The following FAM83B variants were observed in gnomAD, a reference collection of about 807,000 sequenced individuals.
FAM83B encodes the protein scaffolding CK1 anchoring protein B.
FAM83B carries 26 observed loss-of-function variants against 38.8 expected under a neutral mutation model. The observed-to-expected ratio is 0.67, with a 90% CI of 0.49 to 0.93. The LOEUF (loss-of-function observed/expected upper bound fraction) is 0.93. Among genes scored for constraint, FAM83B ranks in the 40% least tolerant of loss-of-function variants. The probability of loss-of-function intolerance (pLI) is 0.00; values close to 1 mark genes in which losing one functional copy is unlikely to be tolerated. For missense variants in FAM83B, 1,237 were observed against 1,197.3 expected (o/e 1.03, Z -0.49); for synonymous variants, 419 against 423.1 (o/e 0.99, Z 0.12).
At chr6:54,917,105 A>G (rs1773061336) in intron 2 of FAM83B, among the ~76,000 whole-genome samples, 1 of 152,174 alleles carries the variant, frequency 6.6e-6, no homozygotes, top group South Asian at 2.1e-4. Flanking sequence ...TGTACATTTT[A>G]TGGCAGATGT....
chr6:54,935,798 A>G (rs1329617307), intron 4 of FAM83B, among the ~76,000 whole-genome samples: 1 of 152,100 alleles, frequency 6.6e-6, no homozygotes, highest in Non-Finnish European at 1.5e-5. Flanking sequence ...ATTTGTGAGA[A>G]GTTTTGCAAG....
chr6:54,927,105 A>C (rs1354532007), intron 3 of FAM83B, among the ~76,000 whole-genome samples: 1 of 152,014 alleles, frequency 6.6e-6, no homozygotes. Context: ...CAGCTTTGAA[A>C]CCAGTGACTC....
intron 2 of FAM83B, among the ~76,000 whole-genome samples, chr6:54,919,012 A>G (rs1246291168): frequency 1.3e-5 from 2 of 152,130 alleles, no homozygotes; most frequent in African/African-American, 4.8e-5. Flanking sequence ...TGACCCTCCA[A>G]CATCTTGGCT....
intron 1 of FAM83B, among the ~76,000 whole-genome samples, chr6:54,865,976 A>C (rs550611047): frequency 1.8e-4 from 21 of 113,930 alleles, no homozygotes; most frequent in South Asian, 5.8e-4. Flanking sequence ...TCATAATAAT[A>C]ATAATAATAA....
intron 4 of FAM83B, among the ~76,000 whole-genome samples, chr6:54,938,383 A>G (rs953525219): frequency 1.3e-5 from 2 of 152,182 alleles, no homozygotes; most frequent in Non-Finnish European, 1.5e-5. Context: ...GTAGATACCC[A>G]ATAGTGGGAT....
intron 2 of FAM83B, among the ~76,000 whole-genome samples, chr6:54,905,857 T>A (rs943283681): frequency 6.6e-6 from 1 of 152,032 alleles, no homozygotes; most frequent in African/African-American, 2.4e-5. Flanking sequence ...AATTCTCCAT[T>A]TCTGTTTTTC....
chr6:54,905,743 T>A (rs1263427910), intron 2 of FAM83B, among the ~76,000 whole-genome samples: 2 of 152,138 alleles, frequency 1.3e-5, no homozygotes, highest in African/African-American at 4.8e-5. Context: ...ATAGAGACAT[T>A]TAAGAAAGTT....
intron 2 of FAM83B, among the ~76,000 whole-genome samples, chr6:54,917,603 T>C (rs1358701410): frequency 6.6e-6 from 1 of 152,128 alleles, no homozygotes; most frequent in Admixed American, 6.5e-5. Flanking sequence ...TGGTCAGAAT[T>C]TTGAGGAGCT....
intron 4 of FAM83B, among the ~76,000 whole-genome samples, chr6:54,929,465 G>C (rs1457589288): frequency 6.6e-6 from 1 of 152,136 alleles, no homozygotes; most frequent in African/African-American, 2.4e-5. Flanking sequence ...ACATGCTGAT[G>C]ATTTTATCAG....
intron 2 of FAM83B, among the ~76,000 whole-genome samples, chr6:54,906,207 TTAAATA>T (rs1347444584): frequency 1.3e-5 from 2 of 152,086 alleles, no homozygotes; most frequent in Non-Finnish European, 2.9e-5. Context: ...CTAGTTCAAT[TTAAATA>T]TAAACTAGGT....
intron 1 of FAM83B, among the ~76,000 whole-genome samples, chr6:54,865,975 TA>T (rs929801580): frequency 2.6e-5 from 3 of 113,978 alleles, no homozygotes; most frequent in African/African-American, 1.3e-4. Flanking sequence ...GTCATAATAA[TA>T]ATAATAATAA....
chr6:54,893,907 T>A (rs1772461100), intron 2 of FAM83B, among the ~76,000 whole-genome samples: 1 of 152,206 alleles, frequency 6.6e-6, no homozygotes. Flanking sequence ...CCATTCTACT[T>A]CTGTCCATTT....
rs867796555 is a variant in FAM83B, at chr6:54,939,866, G to T, written c.895G>T (p.Ala299Ser). ...ATCAGCAAGGGTGAAGCATGGAAAA[G>T]CCCTCTGGGAAAATGGCACTTACCA... ...EESARVKHGK[A>S]LWENGTYQHS... The change falls in exon 5 of 5, where the codon GCC (alanine) becomes TCC (serine). Residue 299 changes from alanine (A) to serine (S), a missense_variant. By Grantham distance (99) the Ala-to-Ser change is moderately conservative. Transcript: ENST00000306858. The T allele has an allele frequency of 6.2e-7, 1 of 1,613,848 alleles. No homozygotes were observed. The highest frequency in any genetic ancestry group is 1.3e-5 in the African/African-American group (1 of 74,888).
rs1397940763 is a variant in FAM83B, at chr6:54,927,405, G to T, written c.610-103G>T. 18 of 908,522 alleles carry T rather than the reference G, an allele frequency of 2.0e-5. No individual in the cohort carries two copies. In the Admixed American group the frequency reaches 5.4e-4, roughly 27 times the overall value. The allele number at this position is 908,522 out of a possible 1,614,324, so 56.3% of individuals were successfully genotyped here. A position where few individuals can be genotyped will look rare whatever the true frequency, so the allele number is the denominator to read the frequency against. On this transcript the variant is annotated intron_variant, in intron 3 of 4. Coordinates refer to ENST00000306858, the MANE Select transcript of FAM83B (RefSeq NM_001010872.3). ...GGAGTTTTTTTTTTAATTACCTTAA[G>T]TAAATTTTTTTATATTAAGATTCTA... is the stretch of plus-strand genomic sequence containing the variant.
At chr6:54,909,234 C>G (rs1393874795) in intron 2 of FAM83B, among the ~76,000 whole-genome samples, 3 of 152,062 alleles carry the variant, frequency 2.0e-5, no homozygotes, top group Admixed American at 6.5e-5. Context: ...TAGGAGTCTT[C>G]TAGCTGTTTT....
At position 54,850,973 on chromosome 6, in the gene FAM83B, G is replaced by A. The variant is rs186519361; in HGVS notation, c.-61+4147G>A. On this transcript the variant is annotated intron_variant, in intron 1 of 4. Coordinates refer to ENST00000306858, the MANE Select transcript of FAM83B (RefSeq NM_001010872.3). ...GCAGAGCTTGCAGTGAGCCCAGGTC[G>A]CGCCACTGCACTCCAGCCTGGGTGA... 1.5e-3 allele frequency among the ~76,000 whole-genome samples: 213 copies of A among 142,914 alleles called. 1 individual carries two copies. Among genetic ancestry groups the A allele is most frequent in the Non-Finnish European group, 2.5e-3 (170 of 66,920 alleles). The allele number at this position is 142,914 out of a possible 152,430, so 93.8% of individuals were successfully genotyped here.
At chr6:54,848,084 G>T (rs991427526) in intron 1 of FAM83B, among the ~76,000 whole-genome samples, 7 of 77,078 alleles carry the variant, frequency 9.1e-5, no homozygotes, top group African/African-American at 1.8e-4. Flanking sequence ...GAAAACTGGG[G>T]TTTTTTGTTT....
At chr6:54,937,455 A>G (rs536839676) in intron 4 of FAM83B, among the ~76,000 whole-genome samples, 19 of 152,236 alleles carry the variant, frequency 1.2e-4, no homozygotes, top group Non-Finnish European at 2.2e-4. Context: ...AATACTATGT[A>G]CAGTGAGTAC....
In FAM83B at chr6:54,847,199, G is replaced by A. The variant is rs530571809; in HGVS notation, c.-61+373G>A. Among the ~76,000 whole-genome samples the A allele has an allele frequency of 5.9e-5, 9 of 151,740 alleles. No individual in the cohort carries two copies. The East Asian group carries it at 1.2e-3, about 20-fold the overall frequency. On this transcript the variant is annotated intron_variant, in intron 1 of 4. Coordinates refer to ENST00000306858, the MANE Select transcript of FAM83B (RefSeq NM_001010872.3). ...TAGGAGTGCGCCGAGGACCCCGGGA[G>A]GGGAAGCGGGAGGAGAGACCGCTGG...
Sources: allele counts gnomAD v4.1 joint callset (sites outside exome capture counted in the v4.1 genomes callset), GRCh38; gene constraint gnomAD v4.1.1; transcripts MANE v1.5; gene names NCBI Gene and HGNC (gene_info 2026-07-23, HGNC 2026-07-21).